Variants in EYA2 observed in about 807,000 individuals in gnomAD.
EYA2 encodes the protein EYA transcriptional coactivator and phosphatase 2.
A neutral mutation model predicts 69.2 loss-of-function variants in EYA2; 31 were observed. That is an observed-to-expected ratio of 0.45 (90% CI 0.34 to 0.60). The LOEUF (loss-of-function observed/expected upper bound fraction) is 0.60. Ranked by LOEUF, EYA2 falls within the 20% of genes least tolerant of loss-of-function variation. The pLI is 0.02. For synonymous variants in EYA2, 257 were observed against 279.4 expected, an observed-to-expected ratio of 0.92 and a Z score of 0.80; for missense variants, 622 against 701.2, an observed-to-expected ratio of 0.89 and a Z score of 1.28.
At chr20:47,047,505 G>A (rs1356410733) in intron 5 of EYA2, among the ~76,000 whole-genome samples, 3 of 151,922 alleles carry the variant, frequency 2.0e-5, no homozygotes. Flanking sequence ...TCCCACCTCA[G>A]CCTCCCAAGT....
chr20:47,165,777 A>G (rs1488617076), intron 10 of EYA2, among the ~76,000 whole-genome samples: 1 of 151,674 alleles, frequency 6.6e-6, no homozygotes, highest in African/African-American at 2.4e-5. Context: ...CAGCCACACT[A>G]CCCCCTTGCC....
intron 5 of EYA2, among the ~76,000 whole-genome samples, chr20:47,064,491 G>A (rs1011520455): frequency 5.3e-5 from 8 of 152,058 alleles, no homozygotes; most frequent in African/African-American, 1.9e-4. Context: ...ATTATTTTGG[G>A]TATAAACCCA....
At chr20:47,011,272 G>A (rs1043336654) in intron 4 of EYA2, among the ~76,000 whole-genome samples, 1 of 152,140 alleles carries the variant, frequency 6.6e-6, no homozygotes, top group Non-Finnish European at 1.5e-5. Context: ...ATACCACAGA[G>A]CCAGGACAGG....
intron 9 of EYA2, among the ~76,000 whole-genome samples, chr20:47,105,655 T>A (rs1373382646): frequency 6.8e-6 from 1 of 147,190 alleles, no homozygotes; most frequent in Admixed American, 6.8e-5. Context: ...CCTGCCCAAA[T>A]GTTTCCTCAT....
At chr20:47,090,094 A>G (rs1382654389) in intron 8 of EYA2, among the ~76,000 whole-genome samples, 2 of 152,120 alleles carry the variant, frequency 1.3e-5, no homozygotes, top group Non-Finnish European at 2.9e-5. Flanking sequence ...AGAAACCTTC[A>G]TTATCAAGTT....
In EYA2 at chr20:47,119,243, G is replaced by A. The variant is rs149304278; in HGVS notation, c.888+22075G>A. Among the ~76,000 whole-genome samples, 10 of 152,318 alleles carry A rather than the reference G, an allele frequency of 6.6e-5. No homozygotes were observed. The East Asian group carries it at 1.5e-3, about 23-fold the overall frequency. On this transcript the variant is annotated intron_variant, in intron 9 of 15. Transcript: ENST00000327619. ...TGCTAAACGGCAGGAAGGTGTCAAC[G>A]CCATTGTATTTGGGGTTGACTTTGA... is the stretch of plus-strand genomic sequence containing the variant.
At chr20:47,182,538 A>C (rs1311213446) in intron 14 of EYA2, among the ~76,000 whole-genome samples, 1 of 148,866 alleles carries the variant, frequency 6.7e-6, no homozygotes, top group Non-Finnish European at 1.5e-5. Context: ...CTGAGGTAGG[A>C]GAGTCGCTTG....
chr20:46,922,214 T>C (rs1286027461), intron 1 of EYA2, among the ~76,000 whole-genome samples: 3 of 152,186 alleles, frequency 2.0e-5, no homozygotes, highest in Non-Finnish European at 2.9e-5. Flanking sequence ...GGAGTGCTAA[T>C]TGATTTAATG....
At chr20:47,041,287 A>G in intron 5 of EYA2, among the ~76,000 whole-genome samples, 1 of 152,116 alleles carries the variant, frequency 6.6e-6, no homozygotes, top group Non-Finnish European at 1.5e-5. Context: ...CTTTCCTTTA[A>G]TTTATCTTAT....
chr20:47,176,076 C>CTTTT (rs35654076), intron 12 of EYA2, among the ~76,000 whole-genome samples: 3 of 112,486 alleles, frequency 2.7e-5, no homozygotes, highest in Non-Finnish European at 1.8e-5. Flanking sequence ...CACTTAAATT[C>CTTTT]TTTTTTTTTT....
At chr20:47,072,141 A>G in intron 5 of EYA2, 44 bp from the exon 6 acceptor site, 1 of 1,575,814 alleles carries the variant, frequency 6.3e-7, no homozygotes. Flanking sequence ...AAGAGAAAAA[A>G]AGACAAGAAC....
At chr20:46,943,930 C>T (rs1409378139) in intron 1 of EYA2, among the ~76,000 whole-genome samples, 1 of 152,112 alleles carries the variant, frequency 6.6e-6, no homozygotes, top group African/African-American at 2.4e-5. Context: ...CCTCTCTCTC[C>T]CCCTTTCTTT....
chr20:47,034,687 A>G (rs983236330), intron 5 of EYA2, among the ~76,000 whole-genome samples: 1 of 152,224 alleles, frequency 6.6e-6, no homozygotes, highest in Non-Finnish European at 1.5e-5. Flanking sequence ...TGTGTTTCCT[A>G]AGACTGTCAT....
In EYA2 at chr20:47,148,003, G is replaced by A. The variant is rs149987214; in HGVS notation, c.978+4855G>A. ...GAACCCAGGAGGCGGAAGCTGCAGTGAGCAGAGATCGCCCCACTGTACTCC... is the reference window on the plus strand; with the variant it reads ...GAACCCAGGAGGCGGAAGCTGCAGTAAGCAGAGATCGCCCCACTGTACTCC... On this transcript the variant is annotated intron_variant, in intron 10 of 15. Transcript: ENST00000327619. Among the ~76,000 whole-genome samples the A allele has an allele frequency of 9.1e-5, 13 of 143,266 alleles. No individual in the cohort carries two copies. In the East Asian group the frequency reaches 2.6e-3, roughly 29 times the overall value. 94.0% of individuals were successfully genotyped at this position (143,266 alleles called of 152,430 possible).
At chr20:47,069,460 G>A (rs989889195) in intron 5 of EYA2, among the ~76,000 whole-genome samples, 10 of 152,194 alleles carry the variant, frequency 6.6e-5, no homozygotes, top group Admixed American at 4.6e-4. Flanking sequence ...CTGCACTCCA[G>A]CCTGGGTGAG....
At chr20:47,161,626 C>G (rs2073169) in intron 10 of EYA2, 41,817 of 216,928 alleles carry the variant, frequency 0.19, 4,824 homozygotes, top group African/African-American at 0.34. Flanking sequence ...CCCCAGCCCC[C>G]GATGCCCCTG....
intron 4 of EYA2, among the ~76,000 whole-genome samples, chr20:47,005,616 AAGG>A (rs1418773548): frequency 5.3e-5 from 8 of 152,274 alleles, no homozygotes; most frequent in African/African-American, 1.9e-4. Flanking sequence ...ATAGCAAGGC[AAGG>A]AGAACAGGGT....
At chr20:47,092,847 A>G (rs2032126687) in intron 8 of EYA2, among the ~76,000 whole-genome samples, 1 of 152,190 alleles carries the variant, frequency 6.6e-6, no homozygotes, top group Non-Finnish European at 1.5e-5. Context: ...TGTTTTGCTA[A>G]TGACTGAAGC....
chr20:46,895,392 C>T (rs1326430576), intron 1 of EYA2, among the ~76,000 whole-genome samples: 2 of 152,250 alleles, frequency 1.3e-5, no homozygotes, highest in African/African-American at 4.8e-5. Flanking sequence ...CAAACTCAAG[C>T]CCTCAGGTAG....
Sources: allele counts gnomAD v4.1 joint callset (sites outside exome capture counted in the v4.1 genomes callset), GRCh38; gene constraint gnomAD v4.1.1; transcripts MANE v1.5; gene names NCBI Gene and HGNC (gene_info 2026-07-23, HGNC 2026-07-21).